SET: variants seen among roughly 807,000 people sequenced by gnomAD.
SET encodes SET nuclear proto-oncogene.
In SET, 4 loss-of-function variants were observed where a neutral mutation model predicts 39.0. The ratio of observed to expected loss-of-function variants is 0.10; its 90% CI spans 0.05 to 0.23. The LOEUF (loss-of-function observed/expected upper bound fraction) is 0.23. Ranked by LOEUF, SET falls within the 10% of genes least tolerant of loss-of-function variation. The pLI is 1.00. For synonymous variants in SET, 114 were observed against 115.9 expected (o/e 0.98, Z 0.11); for missense variants, 137 against 329.7 (o/e 0.42, Z 4.53).
Position 128,691,882 on chromosome 9 carries a change from G to C in SET, c.156G>C (p.Glu52Asp). The change falls in exon 3 of 8, where the codon GAG (glutamate) becomes GAC (aspartate). Residue 52 changes from glutamate (E) to aspartate (D), a missense_variant. Physicochemically the swap from Glu to Asp is conservative, Grantham distance 45. Transcript: ENST00000322030. ...GACTTAATGAACAAGCCAGTGAGGAGATTTTGAAAGTAGAACAGAAATATA... is the reference window on the plus strand; with the variant it reads ...GACTTAATGAACAAGCCAGTGAGGACATTTTGAAAGTAGAACAGAAATATA... The part of the protein sequence containing the change: ...IDRLNEQASE[E>D]ILKVEQKYNK... 1 of 1,613,458 alleles carries C rather than the reference G, an allele frequency of 6.2e-7. No homozygotes were observed. The highest frequency in any genetic ancestry group is 8.5e-7 in the Non-Finnish European group (1 of 1,179,668).
intron 7 of SET, 85 bp downstream of exon 7, chr9:128,694,127 G>T: frequency 8.4e-7 from 1 of 1,187,788 alleles, no homozygotes; most frequent in Non-Finnish European, 1.1e-6. Flanking sequence ...TATATAGTGT[G>T]GTAGAACTGA....
At position 128,695,016 on chromosome 9, in the gene SET, T is replaced by C. The variant is rs1861681568; in HGVS notation, c.*352T>C. Reference sequence around the variant, plus strand: ...TGGAGGGTGCTAGGCCCCTGTGTAGTAGTGCATAGAATTCTAGCTTTTTTC... The same window carrying C: ...TGGAGGGTGCTAGGCCCCTGTGTAGCAGTGCATAGAATTCTAGCTTTTTTC... On this transcript the variant is annotated 3_prime_UTR_variant, in exon 8 of 8. Transcript: ENST00000322030. 8.1e-6 allele frequency: 2 copies of C among 246,814 alleles called. No homozygotes were observed. Among genetic ancestry groups the C allele is most frequent in the Non-Finnish European group, 7.8e-6 (1 of 127,632 alleles). 15.3% of individuals were successfully genotyped at this position (246,814 alleles called of 1,614,324 possible).
Position 128,689,353 on chromosome 9 carries a change from G to C in SET, c.-230G>C, listed in dbSNP as rs1861409786. ...GCCTCCGCCTCCCCTCCGCGAACAGGAGCCCGGGCCGGGGCCCGGCACGCC... is the reference window on the plus strand; with the variant it reads ...GCCTCCGCCTCCCCTCCGCGAACAGCAGCCCGGGCCGGGGCCCGGCACGCC... On this transcript the variant is annotated 5_prime_UTR_variant, in exon 1 of 8. Transcript: ENST00000322030. The C allele has an allele frequency of 9.6e-7, 1 of 1,044,858 alleles. No homozygotes were observed. The highest frequency in any genetic ancestry group is 1.7e-5 in the African/African-American group (1 of 58,776). The allele number at this position is 1,044,858 out of a possible 1,614,324, so 64.7% of individuals were successfully genotyped here. A position where few individuals can be genotyped will look rare whatever the true frequency, so the allele number is the denominator to read the frequency against.
At chr9:128,685,626 G>A (rs1387488128), upstream of SET, among the ~76,000 whole-genome samples, 1 of 152,234 alleles carries the variant, frequency 6.6e-6, no homozygotes, top group Non-Finnish European at 1.5e-5. Flanking sequence ...CGGGGGAGAT[G>A]TTCCAGGCTC....
upstream of SET, among the ~76,000 whole-genome samples, chr9:128,686,766 G>A (rs1187886415): frequency 6.6e-6 from 1 of 152,002 alleles, no homozygotes. Flanking sequence ...GAGCTCAGGA[G>A]TTTGAGACCA....
exon 1 of SET, chr9:128,683,855 C>A (rs546689765): frequency 2.0e-6 from 3 of 1,503,870 alleles, no homozygotes; most frequent in South Asian, 2.4e-5. Context: ...TCCGGACGGG[C>A]GAGGAGACTC....
upstream of SET, among the ~76,000 whole-genome samples, chr9:128,686,931 T>C (rs1199066927): frequency 3.3e-5 from 5 of 152,160 alleles, no homozygotes; most frequent in Admixed American, 6.5e-5. Context: ...CAGTGAGCCA[T>C]GGTTCTGGGC....
At chr9:128,691,717 T>C (rs1852037161) in intron 2 of SET, 141 bp from the exon 3 acceptor site, 2 of 806,050 alleles carry the variant, frequency 2.5e-6, no homozygotes, top group African/African-American at 3.5e-5. Flanking sequence ...GTTTTGAGTG[T>C]CTAAATTAGG....
intron 2 of SET, among the ~76,000 whole-genome samples, chr9:128,691,636 T>C (rs1182251931): frequency 2.0e-5 from 3 of 152,206 alleles, no homozygotes; most frequent in Non-Finnish European, 2.9e-5. Flanking sequence ...ACCAGAGTGT[T>C]GAGTTTGGGC....
At chr9:128,688,674 A>G (rs1360097345), upstream of SET, among the ~76,000 whole-genome samples, 1 of 152,220 alleles carries the variant, frequency 6.6e-6, no homozygotes, top group Non-Finnish European at 1.5e-5. Context: ...GGCTTGGACT[A>G]AAACCCAGGA....
chr9:128,694,631 T>C lies in SET; in HGVS notation c.811-10T>C, dbSNP rs1861664372. ...AATCCTGAAGATTAACTGCCCACTT[T>C]TTCTTTCAGGAGGATGAAGGAGAAG... On this transcript the variant is annotated splice_polypyrimidine_tract_variant and intron_variant, in intron 7 of 7. Transcript: ENST00000322030. The C allele has an allele frequency of 1.3e-6, 2 of 1,574,072 alleles. No homozygotes were observed. The highest frequency in any genetic ancestry group is 1.7e-4 in the Middle Eastern group (1 of 5,908).
rs1280028549 is a variant in SET, at chr9:128,695,191, A to G, written c.*527A>G. 9.0e-6 allele frequency: 2 copies of G among 222,944 alleles called. No homozygotes were observed. Among genetic ancestry groups the G allele is most frequent in the Non-Finnish European group, 1.8e-5 (2 of 110,704 alleles). 13.8% of individuals were successfully genotyped at this position (222,944 alleles called of 1,614,324 possible). On this transcript the variant is annotated 3_prime_UTR_variant, in exon 8 of 8. Transcript: ENST00000322030. Reference sequence around the variant, plus strand: ...AAAATGGGGTTATAGAAGGTCAGCAAAGGGTGGGTTTGAGATGTTTGGGTG... The same window carrying G: ...AAAATGGGGTTATAGAAGGTCAGCAGAGGGTGGGTTTGAGATGTTTGGGTG...
chr9:128,689,364 G>C lies in SET; in HGVS notation c.-219G>C. On this transcript the variant is annotated 5_prime_UTR_variant, in exon 1 of 8. Coordinates refer to ENST00000322030, the MANE Select transcript of SET (RefSeq NM_003011.4). ...CCCTCCGCGAACAGGAGCCCGGGCCGGGGCCCGGCACGCCGCCCCAGCCCG... is the reference window on the plus strand; with the variant it reads ...CCCTCCGCGAACAGGAGCCCGGGCCCGGGCCCGGCACGCCGCCCCAGCCCG... 3 of 1,024,540 alleles carry C rather than the reference G, an allele frequency of 2.9e-6. No homozygotes were observed. The highest frequency in any genetic ancestry group is 4.3e-4 in the Middle Eastern group (1 of 2,304). 63.5% of individuals were successfully genotyped at this position (1,024,540 alleles called of 1,614,324 possible).
At chr9:128,689,985 C>T in intron 1 of SET, 1 of 1,034,128 alleles carries the variant, frequency 9.7e-7, no homozygotes, top group Non-Finnish European at 1.2e-6. Flanking sequence ...TTGTGCTCCG[C>T]CATGATGCCT....
rs1181064699 is a variant in SET, at chr9:128,691,127, G to A, written c.74-43G>A. On this transcript the variant is annotated intron_variant, in intron 1 of 7. Coordinates refer to ENST00000322030, the MANE Select transcript of SET (RefSeq NM_003011.4). ...ATAGTATTAACATCTGGAAAACTAGGTAAATTTATCTTAGAATTAAGTTTT... is the reference window on the plus strand; with the variant it reads ...ATAGTATTAACATCTGGAAAACTAGATAAATTTATCTTAGAATTAAGTTTT... 4 of 1,488,252 alleles carry A rather than the reference G, an allele frequency of 2.7e-6. No homozygotes were observed. The Admixed American group carries it at 7.1e-5, about 26-fold the overall frequency. 92.2% of individuals were successfully genotyped at this position (1,488,252 alleles called of 1,614,324 possible).
chr9:128,691,002 TTAA>T, intron 1 of SET, 165 bp from the exon 2 acceptor site: 1 of 696,098 alleles, frequency 1.4e-6, no homozygotes, highest in Non-Finnish European at 2.6e-6. Flanking sequence ...GGTCTTTTAA[TTAA>T]TTAAAAAGAA....
Position 128,694,758 on chromosome 9 carries a change from T to TTC in SET, c.*94_*95insTC, listed in dbSNP as rs1554777311. On this transcript the variant is annotated 3_prime_UTR_variant, in exon 8 of 8. Coordinates refer to ENST00000322030, the MANE Select transcript of SET (RefSeq NM_003011.4). ...TCTTTTTTTTTTTTTTTTTTTTTTTTCCCTCTTGTGCTCAGTCGCCCTGTT... is the reference window on the plus strand; with the variant it reads ...TCTTTTTTTTTTTTTTTTTTTTTTTTTCCCCTCTTGTGCTCAGTCGCCCTGTT... 26 of 542,156 alleles carry TTC rather than the reference T, an allele frequency of 4.8e-5. No homozygotes were observed. The highest frequency in any genetic ancestry group is 4.4e-4 in the African/African-American group (17 of 38,952). The allele number at this position is 542,156 out of a possible 1,614,324, so 33.6% of individuals were successfully genotyped here. A position where few individuals can be genotyped will look rare whatever the true frequency, so the allele number is the denominator to read the frequency against.
chr9:128,683,761 A>T, exon 1 of SET: 2 of 682,092 alleles, frequency 2.9e-6, no homozygotes, highest in South Asian at 2.0e-5. Flanking sequence ...TCCCACTGTC[A>T]TGTAAATATC....
At chr9:128,683,801 T>C in exon 1 of SET, 1 of 1,110,894 alleles carries the variant, frequency 9.0e-7, no homozygotes, top group Non-Finnish European at 1.3e-6. Flanking sequence ...CCAGTGCAGA[T>C]TTAAGCCGCT....
Sources: gnomAD v4.1 joint callset for allele counts (sites outside exome capture counted in the v4.1 genomes callset) on GRCh38, gnomAD v4.1.1 for gene constraint, MANE v1.5 for transcripts, NCBI Gene and HGNC (gene_info 2026-07-23, HGNC 2026-07-21) for gene names.